The following PDE4D variants were observed in gnomAD, a reference collection of about 807,000 sequenced individuals.
The protein encoded by PDE4D is 3',5'-cyclic-AMP phosphodiesterase 4D.
Under a neutral mutation model 87.4 loss-of-function variants are expected in PDE4D, and 24 were observed. That is an observed-to-expected ratio of 0.27 (90% CI 0.20 to 0.39). The LOEUF (loss-of-function observed/expected upper bound fraction) is 0.39, where lower values mean the gene tolerates loss of function less well. Among genes scored for constraint, PDE4D ranks in the 10% least tolerant of loss-of-function variants. The pLI is 1.00. For synonymous variants in PDE4D, 384 were observed against 383.2 expected, an observed-to-expected ratio of 1.00 and a Z score of -0.02; for missense variants, 714 against 1,041.0, an observed-to-expected ratio of 0.69 and a Z score of 4.32.
chr5:59,810,946 CT>C (rs2152678629), intron 1 of PDE4D, among the ~76,000 whole-genome samples: 1 of 152,252 alleles, frequency 6.6e-6, no homozygotes, highest in Admixed American at 6.5e-5. Flanking sequence ...ATGTGGGCTT[CT>C]TTTCCCAAAT....
At chr5:59,026,515 G>A (rs969812554) in intron 6 of PDE4D, among the ~76,000 whole-genome samples, 1 of 152,162 alleles carries the variant, frequency 6.6e-6, no homozygotes, top group South Asian at 2.1e-4. Flanking sequence ...GGATGGCCAA[G>A]TGGTCTAAGG....
chr5:60,401,846 A>T (rs956761708), intron 1 of PDE4D, among the ~76,000 whole-genome samples: 10 of 152,190 alleles, frequency 6.6e-5, no homozygotes, highest in Non-Finnish European at 1.5e-5. Context: ...TAGCCCAATA[A>T]ACTGAAACAC....
intron 2 of PDE4D, among the ~76,000 whole-genome samples, chr5:60,036,131 A>G (rs1465388074): frequency 6.6e-6 from 1 of 152,202 alleles, no homozygotes; most frequent in Non-Finnish European, 1.5e-5. Context: ...ATATGACACA[A>G]ATGAATGTAT....
chr5:59,366,584 CCA>C (rs1252314734), intron 1 of PDE4D, among the ~76,000 whole-genome samples: 4 of 152,030 alleles, frequency 2.6e-5, no homozygotes, highest in African/African-American at 9.7e-5. Context: ...TGGGAGCTTT[CCA>C]CAGTTACTGA....
chr5:59,680,477 T>C (rs374469364), intron 1 of PDE4D, among the ~76,000 whole-genome samples: 1 of 152,118 alleles, frequency 6.6e-6, no homozygotes, highest in Admixed American at 6.5e-5. Context: ...GAAAATATCA[T>C]TCCAGATTAA....
At chr5:59,562,760 G>A (rs1820247713) in intron 1 of PDE4D, among the ~76,000 whole-genome samples, 1 of 151,962 alleles carries the variant, frequency 6.6e-6, no homozygotes, top group South Asian at 2.1e-4. Context: ...AACCTTAACA[G>A]GAAACTGATA....
intron 1 of PDE4D, among the ~76,000 whole-genome samples, chr5:60,510,616 A>G (rs1750527504): frequency 6.6e-6 from 1 of 152,206 alleles, no homozygotes. Context: ...GAAAGGAAAC[A>G]GGAGGTGATA....
chr5:59,788,754 A>T (rs1459421048), intron 1 of PDE4D, among the ~76,000 whole-genome samples: 4 of 152,210 alleles, frequency 2.6e-5, no homozygotes, highest in Non-Finnish European at 5.9e-5. Context: ...GTGGGAAAAA[A>T]CTAATGAAAT....
intron 1 of PDE4D, among the ~76,000 whole-genome samples, chr5:60,214,242 AG>A (rs1743584563): frequency 6.6e-6 from 1 of 152,262 alleles, no homozygotes; most frequent in African/African-American, 2.4e-5. Context: ...TTTAAAGCCA[AG>A]GAAACGTCAA....
intron 1 of PDE4D, chr5:59,560,730 CTG>C (rs1285951745): frequency 6.6e-6 from 1 of 152,254 alleles, no homozygotes; most frequent in African/African-American, 2.4e-5. Context: ...ATAAAGCAAA[CTG>C]TGTAAATACG....
intron 1 of PDE4D, among the ~76,000 whole-genome samples, chr5:59,505,844 CA>C (rs1809162376): frequency 6.6e-6 from 1 of 152,088 alleles, no homozygotes; most frequent in Non-Finnish European, 1.5e-5. Flanking sequence ...GAAAGAAGCA[CA>C]TTTTTTTTTC....
At chr5:60,023,581 G>A (rs1450916571) in intron 2 of PDE4D, among the ~76,000 whole-genome samples, 1 of 152,002 alleles carries the variant, frequency 6.6e-6, no homozygotes, top group Non-Finnish European at 1.5e-5. Flanking sequence ...CCCCTTTTCA[G>A]ATTTCTTTCT....
chr5:60,288,186 T>A (rs1752588482), intron 1 of PDE4D, among the ~76,000 whole-genome samples: 1 of 152,326 alleles, frequency 6.6e-6, no homozygotes, highest in Non-Finnish European at 1.5e-5. Context: ...CCCTCAAATC[T>A]GCAAGCATTG....
At chr5:59,704,628 C>G (rs1200812167) in intron 1 of PDE4D, among the ~76,000 whole-genome samples, 1 of 152,178 alleles carries the variant, frequency 6.6e-6, no homozygotes, top group Admixed American at 6.6e-5. Context: ...TGCTATAATT[C>G]CTGAATCCAG....
At chr5:60,254,039 A>G (rs750497212) in intron 1 of PDE4D, among the ~76,000 whole-genome samples, 16 of 151,948 alleles carry the variant, frequency 1.1e-4, no homozygotes, top group Non-Finnish European at 2.1e-4. Context: ...TCTTAGATAT[A>G]CCTCTTCTTT....
chr5:59,302,180 G>A lies in PDE4D; in HGVS notation c.456-86212C>T, dbSNP rs189270088. On this transcript the variant is annotated intron_variant, in intron 1 of 14. Coordinates refer to ENST00000340635, the MANE Select transcript of PDE4D (RefSeq NM_001104631.2). ...CTGACAGATATTAGCAAGTTACTGC[G>A]CATGCAAGGATTAGCCAACAGTTCC... Among the ~76,000 whole-genome samples the A allele has an allele frequency of 7.4e-4, 113 of 152,154 alleles. 1 individual carries two copies. Among genetic ancestry groups the A allele is most frequent in the African/African-American group, 2.0e-3 (82 of 41,502 alleles).
intron 1 of PDE4D, among the ~76,000 whole-genome samples, chr5:59,376,710 A>T (rs1347736818): frequency 1.3e-5 from 2 of 152,196 alleles, no homozygotes; most frequent in Non-Finnish European, 2.9e-5. Context: ...GAACCAAAAA[A>T]GAGCCCGAAT....
At chr5:60,061,109 C>T (rs1464621933) in intron 2 of PDE4D, among the ~76,000 whole-genome samples, 2 of 151,906 alleles carry the variant, frequency 1.3e-5, no homozygotes, top group East Asian at 1.9e-4. Flanking sequence ...AGAAATAAAG[C>T]GTATTCAAAT....
At chr5:59,519,223 A>G (rs1002941525) in intron 1 of PDE4D, among the ~76,000 whole-genome samples, 1 of 152,192 alleles carries the variant, frequency 6.6e-6, no homozygotes, top group Non-Finnish European at 1.5e-5. Flanking sequence ...AACAGTGAAA[A>G]AACAGAAAAA....
Sources: allele counts gnomAD v4.1 joint callset (sites outside exome capture counted in the v4.1 genomes callset), GRCh38; gene constraint gnomAD v4.1.1; transcripts MANE v1.5; gene names NCBI Gene and HGNC (gene_info 2026-07-23, HGNC 2026-07-21).